The following RGS6 variants were observed in gnomAD, a reference collection of about 807,000 sequenced individuals.
RGS6 encodes regulator of G-protein signaling 6.
Under a neutral mutation model 78.5 loss-of-function variants are expected in RGS6, and 30 were observed. That is an observed-to-expected ratio of 0.38 (90% confidence interval 0.29 to 0.52). RGS6 has a LOEUF of 0.52. Among genes scored for constraint, RGS6 ranks in the 20% least tolerant of loss-of-function variants. The pLI is 0.85. For synonymous variants in RGS6, 206 were observed against 206.0 expected, an observed-to-expected ratio of 1.00 and a Z score of 0.00; for missense variants, 495 against 609.7, an observed-to-expected ratio of 0.81 and a Z score of 1.98.
chr14:72,339,182 G>T (rs2076544698), intron 2 of RGS6, among the ~76,000 whole-genome samples: 1 of 151,988 alleles, frequency 6.6e-6, no homozygotes, highest in African/African-American at 2.4e-5. Flanking sequence ...ACTGTTAAGG[G>T]GTGGGGCCCT....
At chr14:72,521,248 T>C (rs2097033892) in intron 15 of RGS6, among the ~76,000 whole-genome samples, 1 of 152,246 alleles carries the variant, frequency 6.6e-6, no homozygotes. Context: ...ATTACTCATT[T>C]GCTTTATACT....
chr14:72,461,410 C>G (rs2095777837), intron 6 of RGS6, among the ~76,000 whole-genome samples: 1 of 152,178 alleles, frequency 6.6e-6, no homozygotes, highest in Non-Finnish European at 1.5e-5. Context: ...TTTAATTGTG[C>G]ATCATGAACA....
intron 2 of RGS6, among the ~76,000 whole-genome samples, chr14:72,259,478 G>A (rs568409098): frequency 2.6e-5 from 4 of 152,116 alleles, no homozygotes; most frequent in Non-Finnish European, 5.9e-5. Flanking sequence ...GCTTCATAAG[G>A]CTGAGAATCC....
intron 3 of RGS6, among the ~76,000 whole-genome samples, chr14:72,446,353 A>G (rs2095363292): frequency 6.6e-6 from 1 of 152,240 alleles, no homozygotes; most frequent in Non-Finnish European, 1.5e-5. Flanking sequence ...TCGATCAAAT[A>G]ATTACATTGT....
the RGS6 span, among the ~76,000 whole-genome samples, chr14:71,896,033 T>C: frequency 2.0e-5 from 3 of 152,070 alleles, no homozygotes; most frequent in African/African-American, 4.8e-5. Flanking sequence ...GCAGGCCAGC[T>C]TCCAGGTCCC....
At chr14:72,600,882 T>C in the RGS6 span, among the ~76,000 whole-genome samples, 64,978 of 151,000 alleles carry the variant, frequency 0.43, 14,925 homozygotes, top group East Asian at 0.76. Flanking sequence ...CACAGCTCCC[T>C]GCACCTCCCA....
Position 72,474,609 on chromosome 14 carries a change from G to GT in RGS6, c.619-6dup, listed in dbSNP as rs765360949. ...TTTCACGTAGTAATTTATATGATGT[G>GT]TTTTTTTTTTCTCAGCCAGGCTGTG... On this transcript the variant is annotated splice_polypyrimidine_tract_variant and intron_variant, in intron 9 of 17. Coordinates refer to ENST00000553525, the MANE Select transcript of RGS6 (RefSeq NM_001204424.2). 16,583 of 1,258,740 alleles carry GT rather than the reference G, an allele frequency of 0.013. No individual in the cohort carries two copies. The highest frequency in any genetic ancestry group is 0.019 in the South Asian group (1,239 of 65,838). The allele number at this position is 1,258,740 out of a possible 1,614,324, so 78.0% of individuals were successfully genotyped here.
chr14:72,601,736 A>G, the RGS6 span, among the ~76,000 whole-genome samples: 18 of 152,254 alleles, frequency 1.2e-4, no homozygotes. Context: ...TCAATTAAAA[A>G]TAAAATAAAA....
chr14:72,583,139 C>T, the RGS6 span, among the ~76,000 whole-genome samples: 3 of 152,180 alleles, frequency 2.0e-5, no homozygotes, highest in South Asian at 2.1e-4. Context: ...AGCAGTCCCC[C>T]GGGTCTCAGG....
At chr14:71,960,866 C>T (rs2093137475) in intron 1 of RGS6, among the ~76,000 whole-genome samples, 1 of 152,062 alleles carries the variant, frequency 6.6e-6, no homozygotes, top group African/African-American at 2.4e-5. Flanking sequence ...TCTGTCACCT[C>T]CTCCTACTCT....
At chr14:72,310,855 A>G (rs2068446630) in intron 2 of RGS6, among the ~76,000 whole-genome samples, 1 of 152,224 alleles carries the variant, frequency 6.6e-6, no homozygotes, top group Admixed American at 6.5e-5. Context: ...CTTCTCCCAC[A>G]ATAGTCAGAA....
chr14:72,503,660 AAACCTT>A (rs2096759459), intron 13 of RGS6, among the ~76,000 whole-genome samples: 1 of 152,366 alleles, frequency 6.6e-6, no homozygotes, highest in South Asian at 2.1e-4. Context: ...AGAAAACATT[AAACCTT>A]AAGGCTCTAG....
At chr14:72,084,184 A>G (rs1567171652) in intron 2 of RGS6, among the ~76,000 whole-genome samples, 1 of 152,228 alleles carries the variant, frequency 6.6e-6, no homozygotes, top group Admixed American at 6.5e-5. Context: ...CCCTCGGATC[A>G]TCAGGCATTA....
At chr14:72,305,728 T>C (rs754156887) in intron 2 of RGS6, among the ~76,000 whole-genome samples, 4 of 152,214 alleles carry the variant, frequency 2.6e-5, no homozygotes, top group Non-Finnish European at 5.9e-5. Flanking sequence ...CACAGCAATA[T>C]TGAAATTAGA....
At chr14:72,516,643 G>T (rs1372454327) in intron 14 of RGS6, among the ~76,000 whole-genome samples, 1 of 152,236 alleles carries the variant, frequency 6.6e-6, no homozygotes. Flanking sequence ...CATTGAGCCT[G>T]TGGCCACCAC....
chr14:72,541,538 G>C, intron 17 of RGS6: 1 of 1,535,694 alleles, frequency 6.5e-7, no homozygotes, highest in Non-Finnish European at 8.7e-7. Flanking sequence ...TGGCCGTGTG[G>C]CTCCGCACAC....
intron 3 of RGS6, among the ~76,000 whole-genome samples, chr14:72,385,786 A>G (rs1028128929): frequency 2.6e-5 from 4 of 152,130 alleles, no homozygotes; most frequent in Non-Finnish European, 5.9e-5. Context: ...ATGCCAGACA[A>G]AGAGTTGCTA....
intron 2 of RGS6, among the ~76,000 whole-genome samples, chr14:72,103,607 G>A (rs2095571049): frequency 6.6e-6 from 1 of 152,118 alleles, no homozygotes; most frequent in Non-Finnish European, 1.5e-5. Context: ...CCCTAAGTAA[G>A]AAAAATCACA....
chr14:72,442,951 G>T (rs1597581587), intron 3 of RGS6, among the ~76,000 whole-genome samples: 1 of 152,220 alleles, frequency 6.6e-6, no homozygotes, highest in African/African-American at 2.4e-5. Flanking sequence ...GACCAAGAAA[G>T]GATGGGCTCA....
Sources: allele counts gnomAD v4.1 joint callset (sites outside exome capture counted in the v4.1 genomes callset), GRCh38; gene constraint gnomAD v4.1.1; transcripts MANE v1.5; gene names NCBI Gene and HGNC (gene_info 2026-07-23, HGNC 2026-07-21).